FSTL4: variants seen among roughly 807,000 people sequenced by gnomAD.
The protein encoded by FSTL4 is follistatin like 4.
Under a neutral mutation model 78.2 loss-of-function variants are expected in FSTL4, and 28 were observed. That is an observed-to-expected ratio of 0.36 (90% CI 0.27 to 0.49). The LOEUF is 0.49. Ranked by LOEUF, FSTL4 falls within the 20% of genes least tolerant of loss-of-function variation. FSTL4 has a pLI of 0.98. For synonymous variants in FSTL4, 422 were observed against 440.5 expected (o/e 0.96, Z 0.53); for missense variants, 922 against 1,084.9 (o/e 0.85, Z 2.11).
At chr5:133,427,777 A>G (rs1756856200) in intron 3 of FSTL4, 1 of 469,574 alleles carries the variant, frequency 2.1e-6, no homozygotes, top group Admixed American at 2.0e-5. Flanking sequence ...AACTTCTGCC[A>G]TCAGGACAGA....
the FSTL4 span, among the ~76,000 whole-genome samples, chr5:133,677,128 C>A: frequency 2.0e-5 from 3 of 152,212 alleles, no homozygotes; most frequent in Non-Finnish European, 4.4e-5. Flanking sequence ...CCAAAATTGA[C>A]AAATTGTGCC....
intron 3 of FSTL4, among the ~76,000 whole-genome samples, chr5:133,483,635 C>T (rs1159798314): frequency 6.6e-6 from 1 of 152,242 alleles, no homozygotes; most frequent in Admixed American, 6.5e-5. Flanking sequence ...ATGATCCAGC[C>T]TTTTCCTTTT....
At chr5:133,540,109 A>G (rs1160138242) in intron 3 of FSTL4, among the ~76,000 whole-genome samples, 2 of 152,156 alleles carry the variant, frequency 1.3e-5, no homozygotes, top group Non-Finnish European at 2.9e-5. Flanking sequence ...GCTAGCAGAC[A>G]TGGCCTTTAG....
chr5:133,347,262 G>A (rs546446383), intron 4 of FSTL4, among the ~76,000 whole-genome samples: 4 of 152,270 alleles, frequency 2.6e-5, no homozygotes, highest in Non-Finnish European at 4.4e-5. Context: ...TCCCTCTGTC[G>A]GGAGGTGTGT....
chr5:133,758,089 G>A, the FSTL4 span, among the ~76,000 whole-genome samples: 1 of 152,178 alleles, frequency 6.6e-6, no homozygotes, highest in Non-Finnish European at 1.5e-5. Context: ...AGCAGTAGCA[G>A]CAAATACTTA....
intron 6 of FSTL4, among the ~76,000 whole-genome samples, chr5:133,310,912 A>G (rs1753763166): frequency 6.6e-6 from 1 of 151,760 alleles, no homozygotes; most frequent in African/African-American, 2.4e-5. Flanking sequence ...AAGGAGTCTC[A>G]GTGAGGGGAG....
intron 3 of FSTL4, among the ~76,000 whole-genome samples, chr5:133,556,588 G>A (rs749610867): frequency 6.6e-6 from 1 of 152,092 alleles, no homozygotes; most frequent in Admixed American, 6.5e-5. Flanking sequence ...TTATCTGGGC[G>A]TGGTGGTGCA....
intron 6 of FSTL4, among the ~76,000 whole-genome samples, chr5:133,304,449 G>A (rs950112327): frequency 2.6e-5 from 4 of 152,014 alleles, no homozygotes; most frequent in African/African-American, 9.7e-5. Flanking sequence ...CCCCGTTCCT[G>A]CCTCTCCCTC....
chr5:133,205,398 T>C (rs1296395030), intron 14 of FSTL4, among the ~76,000 whole-genome samples: 1 of 152,058 alleles, frequency 6.6e-6, no homozygotes, highest in Non-Finnish European at 1.5e-5. Flanking sequence ...TGTGTGTGTG[T>C]GTGTGTGTGT....
At chr5:133,723,006 G>A in the FSTL4 span, among the ~76,000 whole-genome samples, 2 of 152,180 alleles carry the variant, frequency 1.3e-5, no homozygotes, top group Non-Finnish European at 2.9e-5. Flanking sequence ...AGTCATAAAT[G>A]AGGTGATTTC....
At chr5:133,747,810 G>C in the FSTL4 span, among the ~76,000 whole-genome samples, 1 of 152,126 alleles carries the variant, frequency 6.6e-6, no homozygotes, top group Admixed American at 6.5e-5. Flanking sequence ...CTGGGAGTGG[G>C]GCTGGTGTTG....
chr5:133,605,821 A>G (rs1256212176), intron 1 of FSTL4, among the ~76,000 whole-genome samples: 1 of 152,194 alleles, frequency 6.6e-6, no homozygotes, highest in Non-Finnish European at 1.5e-5. Context: ...CTGAGCTACC[A>G]GGAAAAGAGT....
At chr5:133,783,383 T>A in the FSTL4 span, among the ~76,000 whole-genome samples, 1 of 152,350 alleles carries the variant, frequency 6.6e-6, no homozygotes, top group Non-Finnish European at 1.5e-5. Context: ...TAACGCCTTT[T>A]GTCCCAGCAT....
At chr5:133,735,850 AAAG>A in the FSTL4 span, among the ~76,000 whole-genome samples, 2 of 152,166 alleles carry the variant, frequency 1.3e-5, no homozygotes, top group East Asian at 1.9e-4. Context: ...AGCTCTCCTG[AAAG>A]AAGGAGAGAG....
chr5:133,593,333 A>G (rs984361511), intron 2 of FSTL4, among the ~76,000 whole-genome samples: 14 of 152,170 alleles, frequency 9.2e-5, no homozygotes, highest in Middle Eastern at 3.2e-3. Context: ...GAACACAGCC[A>G]TATCAGGTGG....
the FSTL4 span, among the ~76,000 whole-genome samples, chr5:133,691,070 T>C: frequency 1.3e-5 from 2 of 152,184 alleles, no homozygotes; most frequent in Non-Finnish European, 2.9e-5. Context: ...GAATTAAACC[T>C]TTCTTCCCCT....
At chr5:133,256,737 G>C (rs931332627) in intron 6 of FSTL4, among the ~76,000 whole-genome samples, 10 of 152,218 alleles carry the variant, frequency 6.6e-5, no homozygotes, top group Non-Finnish European at 1.2e-4. Context: ...AGCCAGACTT[G>C]CTCCAAAGCC....
chr5:133,436,812 C>G (rs529943862), intron 3 of FSTL4, among the ~76,000 whole-genome samples: 3 of 152,100 alleles, frequency 2.0e-5, no homozygotes, highest in East Asian at 1.9e-4. Flanking sequence ...AGAAATCACT[C>G]TGGTATTTGG....
intron 4 of FSTL4, among the ~76,000 whole-genome samples, chr5:133,387,493 T>C (rs1339078389): frequency 2.0e-5 from 3 of 152,210 alleles, no homozygotes; most frequent in Admixed American, 6.5e-5. Flanking sequence ...CTGTGTCCCA[T>C]GGTGGCCCTT....
Sources: allele counts gnomAD v4.1 joint callset (sites outside exome capture counted in the v4.1 genomes callset), GRCh38; gene constraint gnomAD v4.1.1; transcripts MANE v1.5; gene names NCBI Gene and HGNC (gene_info 2026-07-23, HGNC 2026-07-21).